The following RAD50 variants were observed in gnomAD, a reference collection of about 807,000 sequenced individuals.
RAD50 encodes DNA repair protein RAD50.
In RAD50, 132 loss-of-function variants were observed where a neutral mutation model predicts 168.8. That is an observed-to-expected ratio of 0.78 (90% CI 0.68 to 0.90). RAD50 has a LOEUF of 0.90. Ranked by LOEUF, RAD50 falls within the 40% of genes least tolerant of loss-of-function variation. The pLI is 0.00. For synonymous variants in RAD50, 525 were observed against 497.4 expected, an observed-to-expected ratio of 1.06 and a Z score of -0.74; for missense variants, 1,347 against 1,534.4, an observed-to-expected ratio of 0.88 and a Z score of 2.04.
intron 21 of RAD50, among the ~76,000 whole-genome samples, chr5:132,634,412 A>G (rs183893670): frequency 5.2e-4 from 78 of 150,816 alleles, no homozygotes; most frequent in Admixed American, 1.3e-3. Flanking sequence ...TTATATATTT[A>G]TCTCTGGCTA....
intron 7 of RAD50, 152 bp downstream of exon 7, chr5:132,588,241 T>A: frequency 1.0e-6 from 1 of 993,368 alleles, no homozygotes; most frequent in Non-Finnish European, 1.5e-6. Flanking sequence ...ATTTTTATAA[T>A]GTCAAAATTT....
chr5:132,640,983 T>C (rs1367525192), intron 24 of RAD50, among the ~76,000 whole-genome samples, 178 bp downstream of exon 24: 1 of 152,178 alleles, frequency 6.6e-6, no homozygotes, highest in Non-Finnish European at 1.5e-5. Flanking sequence ...ATAGTAATTC[T>C]TCAGATCCCT....
At position 132,619,883 on chromosome 5, in the gene RAD50, TATAGAGAG is replaced by T. The variant is rs1363960702; in HGVS notation, c.3389+1591_3389+1598del. Among the ~76,000 whole-genome samples, 545 of 124,116 alleles carry T rather than the reference TATAGAGAG, an allele frequency of 4.4e-3. 16 individuals carry two copies. The highest frequency in any genetic ancestry group is 4.4e-3 in the Middle Eastern group (1 of 228). 81.4% of individuals were successfully genotyped at this position (124,116 alleles called of 152,430 possible). A position where few individuals can be genotyped will look rare whatever the true frequency, so the allele number is the denominator to read the frequency against. ...ATATATATATAAAGATATATATATA[TATAGAGAG>T]AGAGAGAGAGAGATATATCTTTTTT... is the stretch of plus-strand genomic sequence containing the variant. On this transcript the variant is annotated intron_variant, in intron 21 of 24. Coordinates refer to ENST00000378823, the MANE Select transcript of RAD50 (RefSeq NM_005732.4).
chr5:132,565,475 A>G (rs942866140), intron 2 of RAD50, among the ~76,000 whole-genome samples: 2 of 151,906 alleles, frequency 1.3e-5, no homozygotes, highest in African/African-American at 4.8e-5. Context: ...TTGACTCTTC[A>G]TTCTGACTCC....
At chr5:132,621,911 T>A (rs1329467007) in intron 21 of RAD50, among the ~76,000 whole-genome samples, 1 of 152,160 alleles carries the variant, frequency 6.6e-6, no homozygotes, top group Non-Finnish European at 1.5e-5. Context: ...GGATTTTTCA[T>A]ACATTATCTC....
chr5:132,620,156 T>C (rs941715714), intron 21 of RAD50, among the ~76,000 whole-genome samples: 5 of 152,012 alleles, frequency 3.3e-5, no homozygotes, highest in Non-Finnish European at 4.4e-5. Flanking sequence ...CCACCTGTAT[T>C]GGCCTCCCAA....
chr5:132,597,700 G>A (rs75070686), intron 13 of RAD50, among the ~76,000 whole-genome samples: 84 of 152,302 alleles, frequency 5.5e-4, no homozygotes, highest in Non-Finnish European at 8.8e-4. Flanking sequence ...AGTCAGAAGC[G>A]TATCTCTTGA....
intron 16 of RAD50, among the ~76,000 whole-genome samples, chr5:132,606,287 G>A (rs1260251825): frequency 1.3e-5 from 2 of 151,828 alleles, no homozygotes; most frequent in Admixed American, 6.6e-5. Context: ...ATGATAAAGG[G>A]GATATCACCA....
chr5:132,559,660 A>C (rs1195439049), intron 2 of RAD50, among the ~76,000 whole-genome samples: 1 of 152,110 alleles, frequency 6.6e-6, no homozygotes, highest in Non-Finnish European at 1.5e-5. Flanking sequence ...TTTGGTATGT[A>C]AGTGTTTCTT....
chr5:132,614,485 G>A (rs1751140643), intron 19 of RAD50, among the ~76,000 whole-genome samples: 1 of 151,146 alleles, frequency 6.6e-6, no homozygotes, highest in African/African-American at 2.4e-5. Context: ...CTCTGGGAGG[G>A]ATTGGTTCCA....
intron 20 of RAD50, among the ~76,000 whole-genome samples, chr5:132,616,984 C>G (rs561928880): frequency 6.6e-6 from 1 of 152,262 alleles, no homozygotes; most frequent in Non-Finnish European, 1.5e-5. Context: ...TTTAAAATCT[C>G]TTTCCTATAT....
rs1358470664 is a variant in RAD50 at position 132,603,994 on chromosome 5, T to G, written c.2472T>G (p.Thr824=). 6.2e-7 allele frequency: 1 copy of G among 1,613,610 alleles called. No homozygotes were observed. Among genetic ancestry groups the G allele is most frequent in the African/African-American group, 1.3e-5 (1 of 74,908 alleles). The stretch of plus-strand genomic sequence containing the variant: ...TACAAGGAATAGACTTAGATCGAAC[T>G]GTCCAACAAGTCAACCAGGAGAAAC... ...AKLQGIDLDR[T]VQQVNQEKQE... The change falls in exon 15 of 25, where the codon ACT becomes ACG. Residue 824 remains threonine, a synonymous_variant. Transcript: ENST00000378823.
chr5:132,571,757 A>C lies in RAD50; in HGVS notation c.214-4020A>C, dbSNP rs151103250. Among the ~76,000 whole-genome samples, 1,120 of 152,306 alleles carry C rather than the reference A, an allele frequency of 7.4e-3. 12 individuals carry two copies. Among genetic ancestry groups the C allele is most frequent in the Middle Eastern group, 0.027 (8 of 294 alleles). On this transcript the variant is annotated intron_variant, in intron 2 of 24. Coordinates refer to ENST00000378823, the MANE Select transcript of RAD50 (RefSeq NM_005732.4). ...AGGGATTGAAGTTAATACCCTCCGT[A>C]ATGAGATAAATGGAAATGATGTCCT...
At chr5:132,615,893 C>T in intron 19 of RAD50, 110 bp from the exon 20 acceptor site, 1 of 1,089,266 alleles carries the variant, frequency 9.2e-7, no homozygotes, top group Non-Finnish European at 1.4e-6. Flanking sequence ...TTGAATTTCA[C>T]ATGATTCTAA....
At chr5:132,576,006 A>T (rs889275480) in intron 3 of RAD50, 78 bp downstream of exon 3, 1 of 1,386,128 alleles carries the variant, frequency 7.2e-7, no homozygotes, top group Non-Finnish European at 9.8e-7. Context: ...GTTTTCTACT[A>T]TAAGTTTAGG....
intron 21 of RAD50, among the ~76,000 whole-genome samples, chr5:132,633,541 T>C (rs1300903042): frequency 6.6e-6 from 1 of 152,140 alleles, no homozygotes; most frequent in African/African-American, 2.4e-5. Context: ...CAAAATGTTT[T>C]CATCTGATTG....
chr5:132,642,061 C>A, intron 24 of RAD50, 117 bp from the exon 25 acceptor site: 1 of 1,115,816 alleles, frequency 9.0e-7, no homozygotes, highest in Non-Finnish European at 1.3e-6. Context: ...TGCAGGGTAG[C>A]TGGGGCCCTG....
chr5:132,591,904 A>G lies in RAD50; in HGVS notation c.1663A>G (p.Ile555Val), dbSNP rs201120953. The G allele has an allele frequency of 4.8e-5, 78 of 1,608,408 alleles. No individual in the cohort carries two copies. Among genetic ancestry groups the G allele is most frequent in the South Asian group, 9.9e-5 (9 of 90,814 alleles). The change falls in exon 11 of 25, where the codon ATA becomes GTA. Residue 555 changes from isoleucine to valine, a missense_variant. Ile to Val is a conservative substitution (Grantham distance 29, BLOSUM62 3). Coordinates refer to ENST00000378823, the MANE Select transcript of RAD50 (RefSeq NM_005732.4). ...TGACAAAGATGAACAAATCAGAAAA[A>G]TAAAATCTAGGCACAGTGATGAATT... ...KADKDEQIRK[I>V]KSRHSDELTS...
chr5:132,596,184 G>C (rs1750789388), intron 13 of RAD50, among the ~76,000 whole-genome samples: 1 of 151,330 alleles, frequency 6.6e-6, no homozygotes, highest in Admixed American at 6.6e-5. Flanking sequence ...TAGTAGAGAT[G>C]GAGTTTCACC....
Sources: allele counts gnomAD v4.1 joint callset (sites outside exome capture counted in the v4.1 genomes callset), GRCh38; gene constraint gnomAD v4.1.1; transcripts MANE v1.5; gene names NCBI Gene and HGNC (gene_info 2026-07-23, HGNC 2026-07-21).